GNAL: variants seen among roughly 807,000 people sequenced by gnomAD.
The protein encoded by GNAL is G protein subunit alpha L, also known as guanine nucleotide-binding protein G(olf) subunit alpha.
In GNAL, 18 loss-of-function variants were observed where a neutral mutation model predicts 55.1. The ratio of observed to expected loss-of-function variants is 0.33; its 90% CI spans 0.23 to 0.48. GNAL has a LOEUF of 0.48. GNAL is among the 20% of genes least tolerant of loss of function. The pLI, the probability that GNAL is intolerant of heterozygous loss-of-function variation, is 0.99. For missense variants in GNAL, 412 were observed against 614.1 expected, an observed-to-expected ratio of 0.67 and a Z score of 3.48; for synonymous variants, 253 against 237.0, an observed-to-expected ratio of 1.07 and a Z score of -0.62.
At chr18:11,714,175 C>G (rs1477781846) in intron 1 of GNAL, among the ~76,000 whole-genome samples, 1 of 152,194 alleles carries the variant, frequency 6.6e-6, no homozygotes, top group African/African-American at 2.4e-5. Flanking sequence ...CTGCCATATT[C>G]CATCAGTGAA....
At chr18:11,794,386 A>G (rs1163482298) in intron 4 of GNAL, among the ~76,000 whole-genome samples, 2 of 152,222 alleles carry the variant, frequency 1.3e-5, no homozygotes, top group African/African-American at 4.8e-5. Context: ...GCAAGGGAAT[A>G]TTACTCAGCC....
intron 5 of GNAL, among the ~76,000 whole-genome samples, chr18:11,860,689 C>T (rs1035996193): frequency 1.1e-4 from 16 of 152,134 alleles, no homozygotes; most frequent in African/African-American, 3.4e-4. Context: ...TTTCTAGGGG[C>T]AGTCATTGTG....
intron 4 of GNAL, among the ~76,000 whole-genome samples, chr18:11,786,576 G>GT (rs1167875649): frequency 6.9e-6 from 1 of 144,560 alleles, no homozygotes; most frequent in Non-Finnish European, 1.5e-5. Context: ...AGCCTCCCAA[G>GT]TAGCTGGGAC....
At chr18:11,723,859 C>T (rs1222530103) in intron 1 of GNAL, among the ~76,000 whole-genome samples, 1 of 152,182 alleles carries the variant, frequency 6.6e-6, no homozygotes, top group Non-Finnish European at 1.5e-5. Flanking sequence ...GCACCTCTCC[C>T]CCACTCTGCA....
rs1231709095 is a variant in GNAL at position 11,862,411 on chromosome 18, G to A, written c.739G>A (p.Asp247Asn). ...DCAQYFLERI[D>N]SVSLVDYTPT... ...TCTTTGCAGCTTCCTGGAAAGAATC[G>A]ACAGCGTCAGCTTGGTTGACTACAC... The change falls in exon 6 of 12, where the codon GAC (aspartate) becomes AAC (asparagine). Residue 247 changes from aspartate to asparagine, a missense_variant. By Grantham distance (23) the Asp-to-Asn change is conservative. Transcript: ENST00000334049. 1 of 1,613,572 alleles carries A rather than the reference G, an allele frequency of 6.2e-7. No individual in the cohort carries two copies. The highest frequency in any genetic ancestry group is 8.5e-7 in the Non-Finnish European group (1 of 1,179,572).
At chr18:11,873,160 T>C (rs145608365) in intron 10 of GNAL, among the ~76,000 whole-genome samples, 95 of 152,346 alleles carry the variant, frequency 6.2e-4, no homozygotes, top group African/African-American at 2.1e-3. Flanking sequence ...CACCGCTTCT[T>C]ACATCTTGAA....
At position 11,753,608 on chromosome 18, in the gene GNAL, A is replaced by G; in HGVS notation, c.450-20A>G. Reference sequence around the variant, plus strand: ...GTGCTAAGAGTAAATTAAGCTAATAACAACTCTCTTTCAATACAGGGAAAA... The same window carrying G: ...GTGCTAAGAGTAAATTAAGCTAATAGCAACTCTCTTTCAATACAGGGAAAA... On this transcript the variant is annotated intron_variant, in intron 2 of 11. Coordinates refer to ENST00000334049, the MANE Select transcript of GNAL (RefSeq NM_182978.4). 3 of 1,485,458 alleles carry G rather than the reference A, an allele frequency of 2.0e-6. No homozygotes were observed. Among genetic ancestry groups the G allele is most frequent in the Non-Finnish European group, 2.8e-6 (3 of 1,063,282 alleles). 92.0% of individuals were successfully genotyped at this position (1,485,458 alleles called of 1,614,324 possible). A position where few individuals can be genotyped will look rare whatever the true frequency, so the allele number is the denominator to read the frequency against.
intron 4 of GNAL, among the ~76,000 whole-genome samples, chr18:11,799,344 G>A (rs1295178686): frequency 6.6e-6 from 1 of 152,004 alleles, no homozygotes; most frequent in Non-Finnish European, 1.5e-5. Context: ...ATTTTTGAAC[G>A]CCTTCCATGA....
chr18:11,708,793 C>G (rs2031771541), intron 1 of GNAL, among the ~76,000 whole-genome samples: 1 of 152,106 alleles, frequency 6.6e-6, no homozygotes, highest in Admixed American at 6.5e-5. Context: ...GTGCAGAAGC[C>G]CCTCAGTTTG....
chr18:11,842,439 A>T (rs2143739664), intron 5 of GNAL, among the ~76,000 whole-genome samples: 1 of 152,248 alleles, frequency 6.6e-6, no homozygotes, highest in South Asian at 2.1e-4. Flanking sequence ...CTCTTCTATT[A>T]CGATTACGTT....
At chr18:11,830,689 A>G (rs1169192773) in intron 5 of GNAL, among the ~76,000 whole-genome samples, 1 of 152,212 alleles carries the variant, frequency 6.6e-6, no homozygotes, top group Non-Finnish European at 1.5e-5. Context: ...GTTCATAGCA[A>G]TATTTGTCAT....
intron 4 of GNAL, among the ~76,000 whole-genome samples, chr18:11,786,436 CTTTTTTTTTTTTTTT>C (rs66803403): frequency 1.6e-5 from 1 of 60,616 alleles, no homozygotes; most frequent in Admixed American, 2.8e-4. Context: ...CATACGTTTT[CTTTTTTTTTTTTTTT>C]TTTTTTTTTT....
At chr18:11,845,550 C>T (rs1244798551) in intron 5 of GNAL, among the ~76,000 whole-genome samples, 1 of 152,098 alleles carries the variant, frequency 6.6e-6, no homozygotes, top group African/African-American at 2.4e-5. Flanking sequence ...TGTTTGGTTC[C>T]CTGCCATATT....
rs182098627 is a variant in GNAL, at chr18:11,828,252, A to G, written c.722+3237A>G. 2.6e-4 allele frequency among the ~76,000 whole-genome samples: 39 copies of G among 152,152 alleles called. 1 individual carries two copies. Among genetic ancestry groups the G allele is most frequent in the Non-Finnish European group, 5.9e-5 (4 of 68,016 alleles). On this transcript the variant is annotated intron_variant, in intron 5 of 11. Transcript: ENST00000334049. ...TCGTTAAGCAGTCATTTAAGGCACA[A>G]TAGAAGCTGGGCATGGTGGCACATG...
At chr18:11,796,942 T>C (rs1310108336) in intron 4 of GNAL, among the ~76,000 whole-genome samples, 1 of 152,194 alleles carries the variant, frequency 6.6e-6, no homozygotes. Flanking sequence ...TCTTTTCATC[T>C]GAGGATAAGT....
chr18:11,769,777 G>A (rs78812161), intron 4 of GNAL, among the ~76,000 whole-genome samples: 10 of 152,060 alleles, frequency 6.6e-5, no homozygotes, highest in African/African-American at 2.4e-4. Context: ...CCCAAGTGGA[G>A]GTAAAATGAT....
At chr18:11,843,203 A>G (rs1259441568) in intron 5 of GNAL, among the ~76,000 whole-genome samples, 3 of 152,046 alleles carry the variant, frequency 2.0e-5, no homozygotes, top group African/African-American at 7.2e-5. Context: ...CGCTAAAAAA[A>G]AAAAGAAAAA....
chr18:11,730,046 T>TTTTC (rs1568001133), intron 1 of GNAL, among the ~76,000 whole-genome samples: 15 of 151,740 alleles, frequency 9.9e-5, no homozygotes, highest in African/African-American at 3.4e-4. Context: ...CTTTTCTTTT[T>TTTTC]TTTTTGAGAC....
intron 5 of GNAL, among the ~76,000 whole-genome samples, chr18:11,855,296 G>T (rs1329024268): frequency 3.3e-5 from 5 of 151,676 alleles, no homozygotes; most frequent in Non-Finnish European, 7.4e-5. Flanking sequence ...TTTTCACATT[G>T]AAACTTCCCT....
Sources: allele counts gnomAD v4.1 joint callset (sites outside exome capture counted in the v4.1 genomes callset), GRCh38; gene constraint gnomAD v4.1.1; transcripts MANE v1.5; gene names NCBI Gene and HGNC (gene_info 2026-07-23, HGNC 2026-07-21).